The following ME3 variants were observed in gnomAD, a reference collection of about 807,000 sequenced individuals.
ME3 encodes the protein malic enzyme 3.
A neutral mutation model predicts 68.9 loss-of-function variants in ME3; 48 were observed. The ratio of observed to expected loss-of-function variants is 0.70; its 90% CI spans 0.55 to 0.89. ME3 has a LOEUF of 0.89. Ranked by LOEUF, ME3 falls within the 40% of genes least tolerant of loss-of-function variation. The pLI is 0.00. For synonymous variants in ME3, 320 were observed against 318.8 expected, an observed-to-expected ratio of 1.00 and a Z score of -0.04; for missense variants, 675 against 797.4, an observed-to-expected ratio of 0.85 and a Z score of 1.85.
rs115958083 is a variant in ME3 at position 86,623,961 on chromosome 11, G to A, written c.183+47801C>T. Among the ~76,000 whole-genome samples, 1,401 of 152,198 alleles carry A rather than the reference G, an allele frequency of 9.2e-3. 21 individuals are homozygous for A. Among genetic ancestry groups the A allele is most frequent in the African/African-American group, 0.029 (1,214 of 41,520 alleles). ...CCACTCCCTCTCCAGCAGGCTTGAC[G>A]TACAACGTGACCCCTTCCCTCTAGC... On this transcript the variant is annotated intron_variant, in intron 2 of 14. Transcript: ENST00000543262.
chr11:86,579,360 T>C (rs1958300950), intron 2 of ME3, among the ~76,000 whole-genome samples: 1 of 152,106 alleles, frequency 6.6e-6, no homozygotes, highest in African/African-American at 2.4e-5. Context: ...AGATCAGGCC[T>C]TGGAGTTGGT....
At chr11:86,452,816 T>G (rs1016488449) in intron 8 of ME3, among the ~76,000 whole-genome samples, 1 of 152,240 alleles carries the variant, frequency 6.6e-6, no homozygotes, top group Non-Finnish European at 1.5e-5. Flanking sequence ...CAAATGTGAC[T>G]GAATTTTATG....
chr11:86,637,527 A>C (rs1944412392), intron 2 of ME3, among the ~76,000 whole-genome samples: 1 of 152,188 alleles, frequency 6.6e-6, no homozygotes, highest in African/African-American at 2.4e-5. Flanking sequence ...TAGGCAGCAC[A>C]AAGATGTGGA....
chr11:86,600,382 A>G (rs1422786619), intron 2 of ME3, among the ~76,000 whole-genome samples: 1 of 152,252 alleles, frequency 6.6e-6, no homozygotes, highest in Admixed American at 6.5e-5. Flanking sequence ...TGAAGGGATC[A>G]ATTCAACAAG....
intron 8 of ME3, among the ~76,000 whole-genome samples, chr11:86,460,426 C>T (rs1950173784): frequency 6.6e-6 from 1 of 152,358 alleles, no homozygotes; most frequent in Admixed American, 6.5e-5. Context: ...TCCTGCTCTG[C>T]ACCAGGCATG....
At chr11:86,521,405 A>AC (rs1352693089) in intron 4 of ME3, among the ~76,000 whole-genome samples, 1 of 102,808 alleles carries the variant, frequency 9.7e-6, no homozygotes, top group African/African-American at 4.4e-5. Context: ...AAAAACAAAC[A>AC]AACAAAACAA....
chr11:86,528,338 G>A (rs1954928802), intron 4 of ME3, among the ~76,000 whole-genome samples: 1 of 152,186 alleles, frequency 6.6e-6, no homozygotes. Flanking sequence ...GAATACAGGA[G>A]CACCCAGATT....
chr11:86,645,561 T>C (rs577663337), intron 2 of ME3, among the ~76,000 whole-genome samples: 1 of 152,294 alleles, frequency 6.6e-6, no homozygotes, highest in African/African-American at 2.4e-5. Flanking sequence ...CAGGGGCTTA[T>C]AGATAAAACT....
chr11:86,557,980 G>A (rs975448970), intron 3 of ME3, among the ~76,000 whole-genome samples: 7 of 152,068 alleles, frequency 4.6e-5, no homozygotes, highest in East Asian at 3.9e-4. Flanking sequence ...TTTTCTTAGC[G>A]TGTCCCCAAG....
intron 4 of ME3, among the ~76,000 whole-genome samples, chr11:86,548,795 C>T (rs959252430): frequency 5.9e-5 from 9 of 152,132 alleles, no homozygotes; most frequent in Admixed American, 3.9e-4. Flanking sequence ...TTATAGGTCA[C>T]GCTACTAGTT....
intron 6 of ME3, among the ~76,000 whole-genome samples, chr11:86,492,475 A>G (rs191839795): frequency 6.6e-6 from 1 of 152,342 alleles, no homozygotes; most frequent in Admixed American, 6.5e-5. Flanking sequence ...TGGTTTCTAG[A>G]CCAGGACTCT....
chr11:86,527,224 G>A (rs1462309742), intron 4 of ME3, among the ~76,000 whole-genome samples: 1 of 152,204 alleles, frequency 6.6e-6, no homozygotes, highest in Non-Finnish European at 1.5e-5. Flanking sequence ...GAATGCACAA[G>A]CCTCAGTAGC....
chr11:86,635,960 G>A, intron 2 of ME3, among the ~76,000 whole-genome samples: 1 of 152,196 alleles, frequency 6.6e-6, no homozygotes, highest in Admixed American at 6.5e-5. Context: ...TCTTTCCCTA[G>A]TTCTTCTGGG....
intron 4 of ME3, among the ~76,000 whole-genome samples, chr11:86,509,548 G>A (rs1953357133): frequency 6.6e-6 from 1 of 152,198 alleles, no homozygotes; most frequent in Non-Finnish European, 1.5e-5. Flanking sequence ...TTGCCTGAAG[G>A]CAGTCCAATC....
intron 2 of ME3, among the ~76,000 whole-genome samples, chr11:86,620,980 A>G (rs914650138): frequency 6.6e-5 from 10 of 152,244 alleles, no homozygotes; most frequent in South Asian, 2.1e-4. Flanking sequence ...AAGTAATACA[A>G]TACAGCCCAG....
chr11:86,465,871 C>G (rs925567767), intron 7 of ME3, among the ~76,000 whole-genome samples: 23 of 152,316 alleles, frequency 1.5e-4, no homozygotes, highest in African/African-American at 5.1e-4. Context: ...GCCCATCTCA[C>G]AGAGTCTCAC....
intron 2 of ME3, among the ~76,000 whole-genome samples, chr11:86,627,535 G>T (rs944345740): frequency 1.6e-4 from 24 of 152,150 alleles, no homozygotes; most frequent in African/African-American, 5.6e-4. Flanking sequence ...CCAAGACTGT[G>T]AATATAATTT....
Position 86,448,532 on chromosome 11 carries a change from G to C in ME3, c.1132-277C>G, listed in dbSNP as rs186335502. On this transcript the variant is annotated intron_variant, in intron 10 of 14. Transcript: ENST00000543262. ...AATTTATTTGAGCTGTTAGGATTAT[G>C]GCTTCCTGGGCCAGGACAGAAAGGC... 1.9e-3 allele frequency among the ~76,000 whole-genome samples: 289 copies of C among 152,304 alleles called. 2 individuals are homozygous for C. Among genetic ancestry groups the C allele is most frequent in the Non-Finnish European group, 2.5e-3 (168 of 68,022 alleles).
downstream of ME3, among the ~76,000 whole-genome samples, chr11:86,439,393 A>G (rs75669210): frequency 0.014 from 2,064 of 152,312 alleles, 20 homozygotes; most frequent in Middle Eastern, 0.031. Context: ...CTGTTTTCCA[A>G]TATTTTGGAA....
Sources: allele counts gnomAD v4.1 joint callset (sites outside exome capture counted in the v4.1 genomes callset), GRCh38; gene constraint gnomAD v4.1.1; transcripts MANE v1.5; gene names NCBI Gene and HGNC (gene_info 2026-07-23, HGNC 2026-07-21).